Variants in LHX8 observed in about 807,000 individuals in gnomAD.
LHX8 encodes LIM homeobox 8.
In LHX8, 12 loss-of-function variants were observed where a neutral mutation model predicts 40.3. The observed-to-expected ratio is 0.30, with a 90% CI of 0.19 to 0.48. The LOEUF (loss-of-function observed/expected upper bound fraction) is 0.48, where lower values mean the gene tolerates loss of function less well. Among genes scored for constraint, LHX8 ranks in the 20% least tolerant of loss-of-function variants. The pLI, the probability that LHX8 is intolerant of heterozygous loss-of-function variation, is 0.99. For missense variants in LHX8, 344 were observed against 433.7 expected (o/e 0.79, Z 1.84); for synonymous variants, 179 against 162.0 (o/e 1.10, Z -0.80).
rs754252647 is a variant in LHX8 at position 75,137,161 on chromosome 1, C to T, written c.137C>T (p.Ser46Leu). The T allele has an allele frequency of 6.2e-7, 1 of 1,613,006 alleles. No individual in the cohort carries two copies. The change falls in exon 3 of 9, where the codon TCG (serine) becomes TTG (leucine). Residue 46 changes from serine to leucine, a missense_variant. Physicochemically the swap from Ser to Leu is moderately radical, Grantham distance 145 (BLOSUM62 -2). Coordinates refer to ENST00000356261, the MANE Select transcript of LHX8 (RefSeq NM_001256114.2). ...TCCTCCTCGGCCCCGCTGTCCCCGT[C>T]GTCCTCGCCCCGGTCCATGGCCTCG... ...SCSSSAPLSPSSSPRSMASGS... is the reference protein window; with the variant it reads ...SCSSSAPLSPLSSPRSMASGS...
At chr1:75,171,638 C>T in the LHX8 span, among the ~76,000 whole-genome samples, 200 of 149,222 alleles carry the variant, frequency 1.3e-3, 2 homozygotes, top group Admixed American at 0.013. Flanking sequence ...GAAGATTGAC[C>T]AAGCTGCAAC....
At chr1:75,164,347 GC>G (rs1648989131), downstream of LHX8, among the ~76,000 whole-genome samples, 1 of 152,098 alleles carries the variant, frequency 6.6e-6, no homozygotes, top group Non-Finnish European at 1.5e-5. Flanking sequence ...GGATTTAGCA[GC>G]TCAGTGATTC....
chr1:75,167,562 T>A, the LHX8 span, among the ~76,000 whole-genome samples: 1 of 152,150 alleles, frequency 6.6e-6, no homozygotes, highest in Non-Finnish European at 1.5e-5. Context: ...CCCTGATTGT[T>A]CCCCACACCC....
intron 6 of LHX8, 45 bp downstream of exon 6, chr1:75,143,993 C>A (rs760710371): frequency 2.7e-6 from 4 of 1,467,364 alleles, no homozygotes; most frequent in South Asian, 1.2e-5. Flanking sequence ...CCCTCCCAAC[C>A]AAAAAAACAA....
chr1:75,140,323 T>C (rs1267048076), intron 3 of LHX8, among the ~76,000 whole-genome samples: 2 of 152,200 alleles, frequency 1.3e-5, no homozygotes, highest in Admixed American at 1.3e-4. Flanking sequence ...TATTTTTTTC[T>C]CCTGTAGCCA....
rs984887072 is a variant in LHX8 at position 75,156,989 on chromosome 1, T to G, written c.877T>G (p.Ser293Ala). ...PVTAVPPSRL[S>A]PPMLEEMAYS... Reference sequence around the variant, plus strand: ...CACAGCAGTCCCACCCTCCAGGCTGTCTCCACCCATGTTAGAAGAAATGGC... The same window carrying G: ...CACAGCAGTCCCACCCTCCAGGCTGGCTCCACCCATGTTAGAAGAAATGGC... The change falls in exon 8 of 9, where the codon TCT (serine) becomes GCT (alanine). Residue 293 changes from serine to alanine, a missense_variant. By Grantham distance (99) the Ser-to-Ala change is moderately conservative. Transcript: ENST00000356261. The G allele has an allele frequency of 3.7e-6, 6 of 1,613,998 alleles. No homozygotes were observed. The African/African-American group carries it at 8.0e-5, about 22-fold the overall frequency.
the LHX8 span, chr1:75,183,294 A>G: frequency 1.3e-5 from 2 of 152,180 alleles, no homozygotes; most frequent in Non-Finnish European, 2.9e-5. Context: ...AAGATTCTAC[A>G]GAAGAAGATC....
At chr1:75,160,528 C>T (rs1648889529) in intron 8 of LHX8, 2 of 405,392 alleles carry the variant, frequency 4.9e-6, no homozygotes, top group South Asian at 3.0e-5. Flanking sequence ...TGAAGAGGAA[C>T]CCATGTCTTT....
chr1:75,177,013 G>A, the LHX8 span, among the ~76,000 whole-genome samples: 4 of 152,080 alleles, frequency 2.6e-5, no homozygotes, highest in Non-Finnish European at 5.9e-5. Context: ...TGAGAGCTCT[G>A]TTCTGTTCCA....
At chr1:75,130,824 C>A, upstream of LHX8, 1 of 1,272,382 alleles carries the variant, frequency 7.9e-7, no homozygotes, top group Non-Finnish European at 1.2e-6. Context: ...GGCAAAAATC[C>A]AAAGACACGG....
chr1:75,164,701 G>GT (rs1157965684), downstream of LHX8, among the ~76,000 whole-genome samples: 2 of 147,350 alleles, frequency 1.4e-5, no homozygotes, highest in Non-Finnish European at 3.0e-5. Flanking sequence ...TAAAATTGTA[G>GT]TTTGCATTTC....
intron 6 of LHX8, 59 bp downstream of exon 6, chr1:75,144,007 G>A (rs753652615): frequency 2.3e-6 from 3 of 1,327,148 alleles, no homozygotes; most frequent in Non-Finnish European, 3.2e-6. Context: ...AAAACAAAAA[G>A]TAACCTCCAT....
the LHX8 span, among the ~76,000 whole-genome samples, chr1:75,187,496 G>C: frequency 6.6e-6 from 1 of 152,170 alleles, no homozygotes; most frequent in Non-Finnish European, 1.5e-5. Context: ...ATTGGAAAGG[G>C]TCTTGTGAGG....
chr1:75,165,665 T>C (rs932013482), downstream of LHX8, among the ~76,000 whole-genome samples: 3 of 152,164 alleles, frequency 2.0e-5, no homozygotes, highest in Non-Finnish European at 4.4e-5. Flanking sequence ...CTCCATTACA[T>C]TCCCCAGTTC....
upstream of LHX8, among the ~76,000 whole-genome samples, chr1:75,129,547 G>A (rs1191697411): frequency 2.0e-5 from 3 of 152,174 alleles, no homozygotes; most frequent in East Asian, 5.8e-4. Context: ...GCTTGTGTGG[G>A]GCTCATTCAC....
At chr1:75,140,151 A>C (rs1298884023) in intron 3 of LHX8, among the ~76,000 whole-genome samples, 1 of 152,218 alleles carries the variant, frequency 6.6e-6, no homozygotes, top group Non-Finnish European at 1.5e-5. Context: ...AGTTTAAAGT[A>C]AGAGTAATTA....
At chr1:75,129,109 A>AT (rs966936103) in intron 1 of LHX8, among the ~76,000 whole-genome samples, 3 of 152,226 alleles carry the variant, frequency 2.0e-5, no homozygotes, top group Admixed American at 6.5e-5. Context: ...CAACATTGTG[A>AT]TTTTTTATGA....
chr1:75,175,010 G>A, the LHX8 span, among the ~76,000 whole-genome samples: 22 of 152,138 alleles, frequency 1.4e-4, no homozygotes, highest in African/African-American at 5.1e-4. Flanking sequence ...TCATTCTTAC[G>A]CTTTTGCGTC....
chr1:75,179,584 C>T, the LHX8 span, among the ~76,000 whole-genome samples: 1 of 142,152 alleles, frequency 7.0e-6, no homozygotes, highest in Non-Finnish European at 1.5e-5. Flanking sequence ...ATGTGTGTCT[C>T]TGCACATGAG....
Sources: gnomAD v4.1 joint callset for allele counts (sites outside exome capture counted in the v4.1 genomes callset) on GRCh38, gnomAD v4.1.1 for gene constraint, MANE v1.5 for transcripts, NCBI Gene and HGNC (gene_info 2026-07-23, HGNC 2026-07-21) for gene names.